The following XPR1 variants were observed in gnomAD, a reference collection of about 807,000 sequenced individuals.
The protein encoded by XPR1 is solute carrier family 53 member 1.
Under a neutral mutation model 87.5 loss-of-function variants are expected in XPR1, and 28 were observed. The observed-to-expected ratio is 0.32, with a 90% CI of 0.24 to 0.44. The LOEUF (loss-of-function observed/expected upper bound fraction) is 0.44. Ranked by LOEUF, XPR1 falls within the 20% of genes least tolerant of loss-of-function variation. The probability of loss-of-function intolerance (pLI) is 1.00; values close to 1 mark genes in which losing one functional copy is unlikely to be tolerated. For missense variants in XPR1, 559 were observed against 862.3 expected (o/e 0.65, Z 4.41); for synonymous variants, 300 against 306.1 (o/e 0.98, Z 0.21).
chr1:180,650,775 G>T (rs1163682397), intron 1 of XPR1, among the ~76,000 whole-genome samples: 1 of 152,072 alleles, frequency 6.6e-6, no homozygotes, highest in Non-Finnish European at 1.5e-5. Flanking sequence ...TTTATTATCT[G>T]TGAGACCTTT....
chr1:180,783,109 T>C (rs1258531747), intron 2 of XPR1, among the ~76,000 whole-genome samples: 1 of 151,982 alleles, frequency 6.6e-6, no homozygotes, highest in African/African-American at 2.4e-5. Context: ...TTCTATATAC[T>C]GGTATAGATA....
At chr1:180,840,688 T>G (rs1018269150) in intron 11 of XPR1, among the ~76,000 whole-genome samples, 13 of 150,822 alleles carry the variant, frequency 8.6e-5, no homozygotes, top group African/African-American at 3.2e-4. Context: ...TTAATCATAT[T>G]GCTAAAATAA....
At chr1:180,648,246 T>C (rs1655184680) in intron 1 of XPR1, among the ~76,000 whole-genome samples, 1 of 152,182 alleles carries the variant, frequency 6.6e-6, no homozygotes, top group African/African-American at 2.4e-5. Flanking sequence ...ATATCTCTCA[T>C]TTTAGGATTT....
At chr1:180,787,888 G>T in intron 3 of XPR1, 34 bp downstream of exon 3, 1 of 1,450,326 alleles carries the variant, frequency 6.9e-7, no homozygotes, top group South Asian at 1.2e-5. Flanking sequence ...TTTTGCTGCC[G>T]GGGAAGGATA....
intron 2 of XPR1, among the ~76,000 whole-genome samples, chr1:180,778,190 T>C (rs968801762): frequency 6.6e-6 from 1 of 151,942 alleles, no homozygotes; most frequent in Non-Finnish European, 1.5e-5. Context: ...CCCTAAGTTG[T>C]CCAGACTGGT....
chr1:180,832,629 C>T (rs188183461), intron 9 of XPR1, among the ~76,000 whole-genome samples: 3 of 152,252 alleles, frequency 2.0e-5, no homozygotes, highest in African/African-American at 7.2e-5. Flanking sequence ...TTTCCAACAC[C>T]ATTTATTAAA....
intron 2 of XPR1, among the ~76,000 whole-genome samples, chr1:180,784,795 A>C (rs1403191143): frequency 6.6e-6 from 1 of 151,864 alleles, no homozygotes; most frequent in Non-Finnish European, 1.5e-5. Context: ...ATTTGTATAC[A>C]TTATGCAGAT....
Position 180,652,623 on chromosome 1 carries a change from TATA to T in XPR1, c.69+20357_69+20359del, listed in dbSNP as rs1488059073. On this transcript the variant is annotated intron_variant, in intron 1 of 14. Coordinates refer to ENST00000367590, the MANE Select transcript of XPR1 (RefSeq NM_004736.4). ...GTTAAATAAATCACTTATTTGAAAT[TATA>T]ATATTTTCCTTTCCATACTTTTTAT... Among the ~76,000 whole-genome samples the T allele has an allele frequency of 1.3e-5, 2 of 152,218 alleles. 1 individual carries two copies. The highest frequency in any genetic ancestry group is 2.9e-5 in the Non-Finnish European group (2 of 68,038).
In XPR1 at chr1:180,811,418, A is replaced by G. The variant is rs753536624; in HGVS notation, c.693A>G (p.Ala231=). The change falls in exon 7 of 15, where the codon GCA becomes GCG. Residue 231 remains alanine, a synonymous_variant. Coordinates refer to ENST00000367590, the MANE Select transcript of XPR1 (RefSeq NM_004736.4). Reference sequence around the variant, plus strand: ...TTTTCTGTCCACAGCCTGCACCAGCATGGACTACTTTTAGAGTTGGCCTAT... The same window carrying G: ...TTTTCTGTCCACAGCCTGCACCAGCGTGGACTACTTTTAGAGTTGGCCTAT... ...PPLGAAQPAP[A]WTTFRVGLFC... The G allele has an allele frequency of 7.4e-6, 12 of 1,613,454 alleles. No homozygotes were observed. The highest frequency in any genetic ancestry group is 1.0e-5 in the Non-Finnish European group (12 of 1,179,696).
chr1:180,727,867 G>C (rs1163630814), intron 2 of XPR1, among the ~76,000 whole-genome samples: 15 of 152,194 alleles, frequency 9.9e-5, no homozygotes, highest in Admixed American at 9.8e-4. Flanking sequence ...CTGTCATGGT[G>C]CTGGTGGGAG....
intron 2 of XPR1, among the ~76,000 whole-genome samples, chr1:180,773,918 G>A (rs72723023): frequency 0.053 from 8,141 of 152,238 alleles, 312 homozygotes; most frequent in Non-Finnish European, 0.079. Flanking sequence ...TTTACCACTT[G>A]TCCAGATCTT....
chr1:180,802,263 G>GCT (rs1649812901), intron 3 of XPR1, among the ~76,000 whole-genome samples: 1 of 151,956 alleles, frequency 6.6e-6, no homozygotes, highest in Admixed American at 6.6e-5. Flanking sequence ...AAATCTGCCT[G>GCT]GTTCCAGTGA....
chr1:180,764,054 T>A (rs1009195627), intron 2 of XPR1, among the ~76,000 whole-genome samples: 1 of 152,194 alleles, frequency 6.6e-6, no homozygotes, highest in African/African-American at 2.4e-5. Context: ...TAAGTACTTA[T>A]GTGTGAATAT....
intron 1 of XPR1, among the ~76,000 whole-genome samples, chr1:180,656,508 ATT>A (rs376280068): frequency 5.9e-5 from 1 of 17,062 alleles, no homozygotes; most frequent in Non-Finnish European, 1.4e-4. Flanking sequence ...TATATATAAT[ATT>A]TATATATAAT....
intron 2 of XPR1, among the ~76,000 whole-genome samples, chr1:180,730,867 G>A (rs1658536128): frequency 1.3e-5 from 2 of 151,518 alleles, no homozygotes; most frequent in African/African-American, 4.9e-5. Flanking sequence ...AGGTCTTGCT[G>A]TGTTACCTAG....
chr1:180,674,933 AT>A (rs918570917), intron 1 of XPR1, among the ~76,000 whole-genome samples: 2 of 151,214 alleles, frequency 1.3e-5, no homozygotes, highest in African/African-American at 4.9e-5. Flanking sequence ...GCAAAACACC[AT>A]TTTTTTTCCT....
chr1:180,683,428 G>A (rs532614751), intron 2 of XPR1, among the ~76,000 whole-genome samples: 149 of 152,180 alleles, frequency 9.8e-4, no homozygotes, highest in African/African-American at 3.3e-3. Flanking sequence ...ATAAACATAC[G>A]TGTGCATGTG....
chr1:180,747,804 T>C (rs1267106223), intron 2 of XPR1, among the ~76,000 whole-genome samples: 3 of 152,234 alleles, frequency 2.0e-5, no homozygotes, highest in Non-Finnish European at 4.4e-5. Context: ...TCAATTGCCA[T>C]GGCTTTCCAA....
intron 2 of XPR1, among the ~76,000 whole-genome samples, chr1:180,777,533 G>T (rs1181175076): frequency 6.6e-6 from 1 of 152,154 alleles, no homozygotes; most frequent in Non-Finnish European, 1.5e-5. Context: ...TGGTACATAG[G>T]AGGGACTTGG....
Sources: gnomAD v4.1 joint callset for allele counts (sites outside exome capture counted in the v4.1 genomes callset) on GRCh38, gnomAD v4.1.1 for gene constraint, MANE v1.5 for transcripts, NCBI Gene and HGNC (gene_info 2026-07-23, HGNC 2026-07-21) for gene names.